Variants in RAP1GAP2 observed in about 807,000 individuals in gnomAD.
RAP1GAP2 encodes rap1 GTPase-activating protein 2.
In RAP1GAP2, 27 loss-of-function variants were observed where a neutral mutation model predicts 95.0. The ratio of observed to expected loss-of-function variants is 0.28; its 90% confidence interval spans 0.21 to 0.39. The LOEUF (loss-of-function observed/expected upper bound fraction) is 0.39. RAP1GAP2 is among the 10% of genes least tolerant of loss of function. The pLI is 1.00. For synonymous variants in RAP1GAP2, 373 were observed against 380.9 expected (o/e 0.98, Z 0.24); for missense variants, 771 against 970.0 (o/e 0.79, Z 2.72).
intron 1 of RAP1GAP2, among the ~76,000 whole-genome samples, chr17:2,767,569 GC>G (rs1211210817): frequency 1.4e-5 from 2 of 147,812 alleles, no homozygotes; most frequent in Non-Finnish European, 3.0e-5. Context: ...TTTATTCCCT[GC>G]CCCCTTTTTA....
chr17:2,801,633 G>GTGTGTGTT (rs2069301428), intron 2 of RAP1GAP2, among the ~76,000 whole-genome samples: 2 of 113,274 alleles, frequency 1.8e-5, no homozygotes, highest in Non-Finnish European at 4.1e-5. Context: ...GTGTGTGTGT[G>GTGTGTGTT]TGTGTGTGTG....
rs2072210696 is a variant in RAP1GAP2 at position 2,857,866 on chromosome 17, G to A, written c.81-47418G>A. Among the ~76,000 whole-genome samples, 1 of 152,138 alleles carries A rather than the reference G, an allele frequency of 6.6e-6. No homozygotes were observed. The highest frequency in any genetic ancestry group is 2.4e-5 in the African/African-American group (1 of 41,428). ...TGTAATCCCAGCACTTTGGGAGGCC[G>A]AGGTGGGTGGACCACCTGAGGTCAG... On this transcript the variant is annotated intron_variant, in intron 2 of 24. Coordinates refer to ENST00000254695, the MANE Select transcript of RAP1GAP2 (RefSeq NM_015085.5). This position sits in a 1 kb window ranked among gnomAD's most constrained non-coding sequence, Gnocchi z 4.0.
rs924981749 is a variant in RAP1GAP2 at position 3,027,224 on chromosome 17, C to T, written c.2107+154C>T. 2.6e-5 allele frequency among the ~76,000 whole-genome samples: 4 copies of T among 152,236 alleles called. No homozygotes were observed. Among genetic ancestry groups the T allele is most frequent in the Non-Finnish European group, 5.9e-5 (4 of 68,046 alleles). On this transcript the variant is annotated intron_variant, in intron 22 of 24. Coordinates refer to ENST00000254695, the MANE Select transcript of RAP1GAP2 (RefSeq NM_015085.5). This position sits in a 1 kb window ranked among gnomAD's most constrained non-coding sequence, Gnocchi z 5.2. The stretch of plus-strand genomic sequence containing the variant: ...GCTCTGTGCGCCCGCCTCTTCTGTT[C>T]ATCAGCCTTAAGATGCCCAAGTTCC...
Position 2,866,377 on chromosome 17 carries a change from G to C in RAP1GAP2, c.81-38907G>C, listed in dbSNP as rs2072612607. 6.6e-6 allele frequency among the ~76,000 whole-genome samples: 1 copy of C among 152,230 alleles called. No individual in the cohort carries two copies. Among genetic ancestry groups the C allele is most frequent in the South Asian group, 2.1e-4 (1 of 4,836 alleles). ...AGAAGGGCAGGTCAGGCTGTGGGAG[G>C]CTTCCCTGCTCCCCGCCTCCCCTAG... On this transcript the variant is annotated intron_variant, in intron 2 of 24. Transcript: ENST00000254695. The surrounding 1 kb of genome is among the most constrained non-coding windows in gnomAD (Gnocchi z 4.0).
intron 2 of RAP1GAP2, among the ~76,000 whole-genome samples, chr17:2,882,037 G>T (rs2073318292): frequency 1.3e-5 from 2 of 151,088 alleles, no homozygotes; most frequent in Non-Finnish European, 2.9e-5. Context: ...AGCCAGGATG[G>T]CCTCGATCTC....
intron 13 of RAP1GAP2, among the ~76,000 whole-genome samples, chr17:2,996,901 C>A (rs983764587): frequency 6.6e-6 from 1 of 152,166 alleles, no homozygotes; most frequent in Non-Finnish European, 1.5e-5. Flanking sequence ...GAGCATTGGG[C>A]CTGCATGCAG....
At chr17:2,837,358 G>T (rs1434602585) in intron 2 of RAP1GAP2, among the ~76,000 whole-genome samples, 1 of 151,856 alleles carries the variant, frequency 6.6e-6, no homozygotes, top group African/African-American at 2.4e-5. Flanking sequence ...GGGCAGCCCC[G>T]TATAAACCAC....
chr17:2,870,437 G>A lies in RAP1GAP2; in HGVS notation c.81-34847G>A, dbSNP rs866319126. On this transcript the variant is annotated intron_variant, in intron 2 of 24. Coordinates refer to ENST00000254695, the MANE Select transcript of RAP1GAP2 (RefSeq NM_015085.5). The surrounding 1 kb of genome is among the most constrained non-coding windows in gnomAD (Gnocchi z 4.4). ...CTGCCTGACAATCTGGTTTTTGAAA[G>A]AAATGTTTATTATATTTTAAAAATC... Among the ~76,000 whole-genome samples the A allele has an allele frequency of 6.6e-6, 1 of 152,078 alleles. No homozygotes were observed.
intron 2 of RAP1GAP2, among the ~76,000 whole-genome samples, chr17:2,811,746 T>G (rs1453248281): frequency 2.6e-5 from 4 of 151,858 alleles, no homozygotes; most frequent in Non-Finnish European, 4.4e-5. Context: ...TCTGGCTAAT[T>G]TTTTGTATTT....
intron 2 of RAP1GAP2, among the ~76,000 whole-genome samples, chr17:2,816,156 C>T (rs751291025): frequency 1.3e-5 from 2 of 151,832 alleles, no homozygotes; most frequent in African/African-American, 2.4e-5. Flanking sequence ...GGAAGAGGCC[C>T]GAGCCGGCTC....
At chr17:2,939,439 C>T (rs1471188150) in intron 3 of RAP1GAP2, among the ~76,000 whole-genome samples, 1 of 152,216 alleles carries the variant, frequency 6.6e-6, no homozygotes, top group South Asian at 2.1e-4. Context: ...GTGTGAGGTG[C>T]GTGGGAATGC....
At chr17:2,933,610 C>T (rs575761151) in intron 3 of RAP1GAP2, among the ~76,000 whole-genome samples, 8 of 152,364 alleles carry the variant, frequency 5.3e-5, no homozygotes, top group Middle Eastern at 3.4e-3. Context: ...CTGGGTAGAC[C>T]GAGGCCAAAC....
At chr17:2,813,767 C>T (rs572234757) in intron 2 of RAP1GAP2, among the ~76,000 whole-genome samples, 6 of 152,104 alleles carry the variant, frequency 3.9e-5, no homozygotes, top group East Asian at 1.9e-4. Flanking sequence ...CGAGACCAGC[C>T]GGGCCAACAT....
At position 3,028,774 on chromosome 17, in the gene RAP1GAP2, C is replaced by T. The variant is rs901553193; in HGVS notation, c.2107+1704C>T. ...CCACGTCTCTGAGCCTCAGTTTCCT[C>T]ATCTGTAAAAGGGGGTGGAAATACA... is the stretch of plus-strand genomic sequence containing the variant. On this transcript the variant is annotated intron_variant, in intron 22 of 24. Coordinates refer to ENST00000254695, the MANE Select transcript of RAP1GAP2 (RefSeq NM_015085.5). Among the ~76,000 whole-genome samples, 4 of 152,236 alleles carry T rather than the reference C, an allele frequency of 2.6e-5. No homozygotes were observed. The East Asian group carries it at 7.7e-4, about 29-fold the overall frequency.
intron 1 of RAP1GAP2, among the ~76,000 whole-genome samples, chr17:2,781,112 G>A (rs1010916188): frequency 2.6e-5 from 4 of 152,216 alleles, no homozygotes; most frequent in African/African-American, 7.2e-5. Flanking sequence ...CCCCGGCCAC[G>A]CTCTGGTTCT....
chr17:2,817,944 C>G (rs1297662824), intron 2 of RAP1GAP2, among the ~76,000 whole-genome samples: 1 of 150,424 alleles, frequency 6.6e-6, no homozygotes, highest in Non-Finnish European at 1.5e-5. Flanking sequence ...TCATGCCATT[C>G]TCCTGCCTCA....
intron 2 of RAP1GAP2, among the ~76,000 whole-genome samples, chr17:2,853,122 C>G (rs959722986): frequency 3.9e-5 from 6 of 152,074 alleles, no homozygotes; most frequent in Admixed American, 1.3e-4. Flanking sequence ...GGGAGCCGAC[C>G]CCAGCCCACT....
At chr17:3,019,161 G>A (rs2046873509) in intron 18 of RAP1GAP2, among the ~76,000 whole-genome samples, 1 of 152,208 alleles carries the variant, frequency 6.6e-6, no homozygotes, top group Admixed American at 6.5e-5. Context: ...GTTCCCAAGG[G>A]AAGGGTCCTG....
chr17:3,007,898 G>C, intron 16 of RAP1GAP2, 113 bp from the exon 17 acceptor site: 1 of 1,309,980 alleles, frequency 7.6e-7, no homozygotes, highest in Non-Finnish European at 1.0e-6. Context: ...ACCGTTGCTG[G>C]GCCGGGCTGG....
Sources: gnomAD v4.1 joint callset for allele counts (sites outside exome capture counted in the v4.1 genomes callset) on GRCh38, gnomAD v4.1.1 for gene constraint, Gnocchi (gnomAD v3.1) non-coding constraint, MANE v1.5 for transcripts, NCBI Gene and HGNC (gene_info 2026-07-23, HGNC 2026-07-21) for gene names.